Variants in LLPH observed in about 807,000 individuals in gnomAD.
The protein encoded by LLPH is LLP homolog, long-term synaptic facilitation factor, also known as protein LLP homolog.
A neutral mutation model predicts 13.3 loss-of-function variants in LLPH; 5 were observed. That is an observed-to-expected ratio of 0.38 (90% CI 0.20 to 0.79). LLPH has a LOEUF of 0.79. LLPH is among the 30% of genes least tolerant of loss of function. LLPH has a pLI of 0.45. For synonymous variants in LLPH, 32 were observed against 44.2 expected, an observed-to-expected ratio of 0.72 and a Z score of 1.09; for missense variants, 129 against 152.1, an observed-to-expected ratio of 0.85 and a Z score of 0.80.
rs771937522 is a variant in LLPH, at chr12:66,129,146, A to C, written c.-7-33T>G. ...TAACAAAAACACACATTCAAAAGCA[A>C]ATCTTTAATATAAAAAAGAAAACAG... On this transcript the variant is annotated intron_variant, in intron 1 of 2. Coordinates refer to ENST00000266604, the MANE Select transcript of LLPH (RefSeq NM_032338.4). 8 of 1,382,954 alleles carry C rather than the reference A, an allele frequency of 5.8e-6. No individual in the cohort carries two copies. The African/African-American group carries it at 1.2e-4, about 20-fold the overall frequency. The allele number at this position is 1,382,954 out of a possible 1,614,324, so 85.7% of individuals were successfully genotyped here. A position where few individuals can be genotyped will look rare whatever the true frequency, so the allele number is the denominator to read the frequency against.
In LLPH at chr12:66,119,055, G is replaced by C. The variant is rs879125914; in HGVS notation, c.*4785C>G. The C allele has an allele frequency of 1.3e-5, 2 of 152,138 alleles. No homozygotes were observed. Among genetic ancestry groups the C allele is most frequent in the Non-Finnish European group, 1.5e-5 (1 of 68,026 alleles). 9.4% of individuals were successfully genotyped at this position (152,138 alleles called of 1,614,324 possible). A position where few individuals can be genotyped will look rare whatever the true frequency, so the allele number is the denominator to read the frequency against. On this transcript the variant is annotated 3_prime_UTR_variant, in exon 3 of 3. Transcript: ENST00000266604. ...AAATCAAATAAAAGTCTGTCTCTCT[G>C]TAGCTTTCCATCATAGGTATTCATT...
At chr12:66,129,238 T>C (rs2051517916) in intron 1 of LLPH, 125 bp from the exon 2 acceptor site, 3 of 657,184 alleles carry the variant, frequency 4.6e-6, no homozygotes, top group Middle Eastern at 5.9e-4. Flanking sequence ...AACTCTTCAA[T>C]CTGTTCACTT....
At chr12:66,126,958 A>G (rs2051501289) in intron 2 of LLPH, among the ~76,000 whole-genome samples, 1 of 152,062 alleles carries the variant, frequency 6.6e-6, no homozygotes, top group Admixed American at 6.6e-5. Flanking sequence ...CAAACAAACA[A>G]AAACCAAAAA....
chr12:66,130,558 G>GGAGCGAC (rs1191225351), intron 1 of LLPH, 147 bp downstream of exon 1: 1 of 152,236 alleles, frequency 6.6e-6, no homozygotes, highest in Non-Finnish European at 1.5e-5. Flanking sequence ...AAAGAGCAAG[G>GGAGCGAC]GGAACCCTCG....
At position 66,121,883 on chromosome 12, in the gene LLPH, C is replaced by CAAAAAAA. The variant is rs368455022; in HGVS notation, c.*1950_*1956dup. ...TGGGTGACAGAGTGAGACCCCATCT[C>CAAAAAAA]AAAAAAAAAAAAAAAAAAAACATAA... On this transcript the variant is annotated 3_prime_UTR_variant, in exon 3 of 3. Transcript: ENST00000266604. 2 of 73,134 alleles carry CAAAAAAA rather than the reference C, an allele frequency of 2.7e-5. No homozygotes were observed. 4.5% of individuals were successfully genotyped at this position (73,134 alleles called of 1,614,324 possible).
intron 2 of LLPH, 80 bp from the exon 3 acceptor site, chr12:66,124,098 CA>C: frequency 1.1e-6 from 1 of 887,276 alleles, no homozygotes; most frequent in Non-Finnish European, 1.7e-6. Flanking sequence ...GCACTGAGAA[CA>C]TCAGAACATT....
At chr12:66,126,181 G>A (rs901112003) in intron 2 of LLPH, among the ~76,000 whole-genome samples, 5 of 151,860 alleles carry the variant, frequency 3.3e-5, no homozygotes, top group African/African-American at 9.7e-5. Context: ...AAAATTAGCC[G>A]GGTGTGATCG....
rs554227154 is a variant in LLPH, at chr12:66,119,780, C to A, written c.*4060G>T. Reference sequence around the variant, plus strand: ...CTTCCCTAAATTACACATTGCTGCCCCTCACCATCACCACCAGTCCATTTC... The same window carrying A: ...CTTCCCTAAATTACACATTGCTGCCACTCACCATCACCACCAGTCCATTTC... On this transcript the variant is annotated 3_prime_UTR_variant, in exon 3 of 3. Transcript: ENST00000266604. 1 of 152,288 alleles carries A rather than the reference C, an allele frequency of 6.6e-6. No homozygotes were observed. Among genetic ancestry groups the A allele is most frequent in the East Asian group, 1.9e-4 (1 of 5,186 alleles). The allele number at this position is 152,288 out of a possible 1,614,324, so 9.4% of individuals were successfully genotyped here.
chr12:66,129,150 T>TTTA (rs761382378), intron 1 of LLPH, 37 bp from the exon 2 acceptor site: 1 of 1,374,882 alleles, frequency 7.3e-7, no homozygotes, highest in Non-Finnish European at 1.0e-6. Flanking sequence ...AAAGCAAATC[T>TTTA]TTAATATAAA....
intron 2 of LLPH, among the ~76,000 whole-genome samples, chr12:66,124,884 C>G (rs186207816): frequency 6.6e-6 from 1 of 152,096 alleles, no homozygotes; most frequent in African/African-American, 2.4e-5. Context: ...GGGAGAATAA[C>G]ACAGCAAACA....
At chr12:66,129,829 TAAC>T (rs2051523287) in intron 1 of LLPH, among the ~76,000 whole-genome samples, 1 of 152,156 alleles carries the variant, frequency 6.6e-6, no homozygotes, top group African/African-American at 2.4e-5. Flanking sequence ...CAAGCCAACT[TAAC>T]GACTGTAAAC....
chr12:66,128,846 C>T, intron 2 of LLPH, 50 bp downstream of exon 2: 3 of 1,100,864 alleles, frequency 2.7e-6, no homozygotes, highest in Non-Finnish European at 3.9e-6. Context: ...GAGACCCTGC[C>T]TCAAAAAAAA....
intron 1 of LLPH, among the ~76,000 whole-genome samples, chr12:66,129,380 T>A (rs1374247035): frequency 6.6e-6 from 1 of 150,536 alleles, no homozygotes; most frequent in African/African-American, 2.4e-5. Context: ...GCACCTTGCA[T>A]GTCTTTTTTC....
chr12:66,123,862 A>T lies in LLPH; in HGVS notation c.368T>A (p.Val123Glu), dbSNP rs1565776846. 8 of 1,612,034 alleles carry T rather than the reference A, an allele frequency of 5.0e-6. No individual in the cohort carries two copies. The Admixed American group carries it at 1.0e-4, about 20-fold the overall frequency. ...AGTCTACCAGGCCAAACCCTTTGCC[A>T]CTTTCACTGCTTTTGCTTTGCTTTT... ...KGKSKAKAVK[V>E]AKGLAW Residue 123 changes from valine to glutamate, a missense_variant, in exon 3 of 3, where the codon GTG becomes GAG. Val to Glu is a moderately radical substitution (Grantham distance 121). Coordinates refer to ENST00000266604, the MANE Select transcript of LLPH (RefSeq NM_032338.4).
chr12:66,117,465 C>T lies in LLPH; in HGVS notation c.*6375G>A, dbSNP rs144188706. On this transcript the variant is annotated 3_prime_UTR_variant, in exon 3 of 3. Transcript: ENST00000266604. ...ACATCACAGTGCAATGCATTACTCA[C>T]GTGTTTGTGGTGATGCTGGTGTAAA... 4.4e-4 allele frequency: 67 copies of T among 152,316 alleles called. No individual in the cohort carries two copies. The highest frequency in any genetic ancestry group is 1.2e-3 in the Admixed American group (18 of 15,294). The allele number at this position is 152,316 out of a possible 1,614,324, so 9.4% of individuals were successfully genotyped here.
Position 66,124,015 on chromosome 12 carries a change from T to A in LLPH, c.215A>T (p.Asp72Val). Residue 72 changes from aspartate (D) to valine (V), a missense_variant, in exon 3 of 3, where the codon GAC (aspartate) becomes GTC (valine). Coordinates refer to ENST00000266604, the MANE Select transcript of LLPH (RefSeq NM_032338.4). Reference protein sequence around the residue: ...MQCEVKDEKDDMKMETDIKRN... With the variant: ...MQCEVKDEKDVMKMETDIKRN... ...CTTAATATCAGTCTCCATTTTCATG[T>A]CATCTGCATAAAAAGATGGAAAAAC... 6.3e-7 allele frequency: 1 copy of A among 1,594,896 alleles called. No individual in the cohort carries two copies. Among genetic ancestry groups the A allele is most frequent in the Non-Finnish European group, 8.5e-7 (1 of 1,172,146 alleles).
chr12:66,124,057 G>T (rs1565776938), intron 2 of LLPH, 39 bp from the exon 3 acceptor site: 2 of 1,388,448 alleles, frequency 1.4e-6, no homozygotes, highest in South Asian at 1.3e-5. Flanking sequence ...CACCATGTAT[G>T]AAAAAAACCA....
rs971896298 is a variant in LLPH, at chr12:66,122,069, T to A, written c.*1771A>T. On this transcript the variant is annotated 3_prime_UTR_variant, in exon 3 of 3. Transcript: ENST00000266604. The stretch of plus-strand genomic sequence containing the variant: ...AAGGCAACAAAGATCATGAATGACA[T>A]CTTTCAATTCATATCTTTCTTAGCT... 59 of 152,236 alleles carry A rather than the reference T, an allele frequency of 3.9e-4. No homozygotes were observed. The highest frequency in any genetic ancestry group is 1.4e-3 in the African/African-American group (57 of 41,534). 9.4% of individuals were successfully genotyped at this position (152,236 alleles called of 1,614,324 possible).
At position 66,120,919 on chromosome 12, in the gene LLPH, C is replaced by T. The variant is rs1332486175; in HGVS notation, c.*2921G>A. 6.6e-6 allele frequency: 1 copy of T among 152,160 alleles called. No individual in the cohort carries two copies. The highest frequency in any genetic ancestry group is 1.5e-5 in the Non-Finnish European group (1 of 68,040). The allele number at this position is 152,160 out of a possible 1,614,324, so 9.4% of individuals were successfully genotyped here. Reference sequence around the variant, plus strand: ...GCTGGTAGTGTTCAGGAACTCAGTGCCTTAGAGGGTACTGACAACACTGTG... The same window carrying T: ...GCTGGTAGTGTTCAGGAACTCAGTGTCTTAGAGGGTACTGACAACACTGTG... On this transcript the variant is annotated 3_prime_UTR_variant, in exon 3 of 3. Transcript: ENST00000266604.
Sources: gnomAD v4.1 joint callset for allele counts (sites outside exome capture counted in the v4.1 genomes callset) on GRCh38, gnomAD v4.1.1 for gene constraint, MANE v1.5 for transcripts, NCBI Gene and HGNC (gene_info 2026-07-23, HGNC 2026-07-21) for gene names.